Variants in SLC35E1 observed in about 807,000 individuals in gnomAD.
SLC35E1 encodes the protein solute carrier family 35, member E1.
A neutral mutation model predicts 31.0 loss-of-function variants in SLC35E1; 12 were observed. That is an observed-to-expected ratio of 0.39 (90% CI 0.25 to 0.63). The LOEUF is 0.63. Ranked by LOEUF, SLC35E1 falls within the 20% of genes least tolerant of loss-of-function variation. SLC35E1 has a pLI of 0.52. For missense variants in SLC35E1, 429 were observed against 572.2 expected, an observed-to-expected ratio of 0.75 and a Z score of 2.55; for synonymous variants, 257 against 264.1, an observed-to-expected ratio of 0.97 and a Z score of 0.26.
chr19:16,571,987 C>T lies in SLC35E1; in HGVS notation c.378G>A (p.Ala126=), dbSNP rs2085961682. Residue 126 remains alanine, a synonymous_variant, in exon 1 of 6, where the codon GCG becomes GCA. Coordinates refer to ENST00000595753, the MANE Select transcript of SLC35E1 (RefSeq NM_024881.5). The part of the protein sequence containing the change: ...AFGKYFASVS[A]HVSIWKVPVS... The stretch of plus-strand genomic sequence containing the variant: ...CGGGCACCTTCCAGATGCTGACGTG[C>T]GCTGACACGGACGCGAAGTACTTGC... The T allele has an allele frequency of 3.2e-6, 5 of 1,547,200 alleles. No homozygotes were observed. The highest frequency in any genetic ancestry group is 4.4e-6 in the Non-Finnish European group (5 of 1,145,606).
intron 4 of SLC35E1, among the ~76,000 whole-genome samples, chr19:16,562,323 C>T (rs1175437486): frequency 6.6e-6 from 1 of 152,110 alleles, no homozygotes; most frequent in African/African-American, 2.4e-5. Flanking sequence ...TGAGAAAGGC[C>T]TTCTATGTCG....
At chr19:16,558,020 G>C (rs1210121122) in intron 4 of SLC35E1, among the ~76,000 whole-genome samples, 1 of 151,862 alleles carries the variant, frequency 6.6e-6, no homozygotes, top group East Asian at 1.9e-4. Flanking sequence ...CATCGTGTTA[G>C]CCAGGATGGT....
In SLC35E1 at chr19:16,554,261, G is replaced by A. The variant is rs182687745; in HGVS notation, c.1003-352C>T. Among the ~76,000 whole-genome samples the A allele has an allele frequency of 6.3e-3, 809 of 128,158 alleles. 5 individuals carry two copies. The highest frequency in any genetic ancestry group is 0.023 in the African/African-American group (754 of 33,278). 84.1% of individuals were successfully genotyped at this position (128,158 alleles called of 152,430 possible). A position where few individuals can be genotyped will look rare whatever the true frequency, so the allele number is the denominator to read the frequency against. The stretch of plus-strand genomic sequence containing the variant: ...AGCCTGGGAGACAGAGCAAGACGCT[G>A]TCTCAGAAAAAAAAAAAAAAAAAAA... On this transcript the variant is annotated intron_variant, in intron 5 of 5. Transcript: ENST00000595753.
chr19:16,553,845 C>T lies in SLC35E1; in HGVS notation c.1067G>A (p.Ser356Asn), dbSNP rs1188317152. Residue 356 changes from serine (S) to asparagine (N), a missense_variant, in exon 6 of 6, where the codon AGC becomes AAC. Transcript: ENST00000595753. ...TGGGCTCCGGTGACGCTCCTTGCTG[C>T]TCAGGTCTGCTGTGGTGACGGGGAG... ...HLLPVTTADLSSKERHRSPLE... is the reference protein window; with the variant it reads ...HLLPVTTADLNSKERHRSPLE... The T allele has an allele frequency of 6.2e-7, 1 of 1,613,948 alleles. No homozygotes were observed. Among genetic ancestry groups the T allele is most frequent in the Non-Finnish European group, 8.5e-7 (1 of 1,179,888 alleles).
chr19:16,558,106 C>T (rs566537023), intron 4 of SLC35E1, among the ~76,000 whole-genome samples: 23 of 151,546 alleles, frequency 1.5e-4, no homozygotes, highest in Non-Finnish European at 2.2e-4. Flanking sequence ...TGCAATGGTG[C>T]GATCTCAGCT....
At position 16,568,148 on chromosome 19, in the gene SLC35E1, T is replaced by C; in HGVS notation, c.514A>G (p.Ile172Val). ...STKVYLSLIP[I>V]ISGVLLATVT... ...GTGGCCAGCAGGACACCGCTGATGATGGGGATGAGTGACAAGTATACCTGC... is the reference window on the plus strand; with the variant it reads ...GTGGCCAGCAGGACACCGCTGATGACGGGGATGAGTGACAAGTATACCTGC... Residue 172 changes from isoleucine to valine, a missense_variant, in exon 3 of 6, where the codon ATC (isoleucine) becomes GTC (valine). By Grantham distance (29) the Ile-to-Val change is conservative. Transcript: ENST00000595753. 6.2e-7 allele frequency: 1 copy of C among 1,612,340 alleles called. No homozygotes were observed. Among genetic ancestry groups the C allele is most frequent in the Non-Finnish European group, 8.5e-7 (1 of 1,179,420 alleles).
rs369679557 is a variant in SLC35E1, at chr19:16,568,554, A to C, written c.493-385T>G. 5.1e-4 allele frequency among the ~76,000 whole-genome samples: 78 copies of C among 152,312 alleles called. 1 individual carries two copies. Among genetic ancestry groups the C allele is most frequent in the African/African-American group, 1.8e-3 (75 of 41,580 alleles). ...TTTTAAAAAATAGTTTTTTTGAGAC[A>C]AAGTCTCGCTCTGTCGCCCAGGCTG... On this transcript the variant is annotated intron_variant, in intron 2 of 5. Transcript: ENST00000595753.
intron 4 of SLC35E1, chr19:16,557,131 T>A: frequency 2.8e-6 from 1 of 352,212 alleles, no homozygotes; most frequent in African/African-American, 2.2e-5. Context: ...ACCAATCTGG[T>A]TTAAAACAAA....
At chr19:16,566,886 T>A (rs1016040729) in intron 3 of SLC35E1, among the ~76,000 whole-genome samples, 2 of 152,162 alleles carry the variant, frequency 1.3e-5, no homozygotes, top group East Asian at 1.9e-4. Flanking sequence ...ACAGTAACAC[T>A]CAGTGCTGGT....
intron 2 of SLC35E1, 44 bp downstream of exon 2, chr19:16,571,468 C>A (rs748163515): frequency 1.2e-6 from 2 of 1,601,274 alleles, no homozygotes; most frequent in Admixed American, 1.7e-5. Context: ...CAGGGAGGAA[C>A]CCCCTGGAGC....
Position 16,571,543 on chromosome 19 carries a change from C to A in SLC35E1, c.461G>T (p.Arg154Leu). The change falls in exon 2 of 6, where the codon CGG becomes CTG. Residue 154 changes from arginine (R) to leucine (L), a missense_variant. Coordinates refer to ENST00000595753, the MANE Select transcript of SLC35E1 (RefSeq NM_024881.5). Reference sequence around the variant, plus strand: ...GCTCTGCTTCTCCTTCATAATGATCCGGGACAGGAGGACCACCCAGATGGG... The same window carrying A: ...GCTCTGCTTCTCCTTCATAATGATCAGGGACAGGAGGACCACCCAGATGGG... ...TMPIWVVLLS[R>L]IIMKEKQSTK... 6.2e-7 allele frequency: 1 copy of A among 1,613,900 alleles called. No individual in the cohort carries two copies. Among genetic ancestry groups the A allele is most frequent in the Non-Finnish European group, 8.5e-7 (1 of 1,179,948 alleles).
At chr19:16,565,044 T>C (rs1428039127) in intron 4 of SLC35E1, 4 of 445,626 alleles carry the variant, frequency 9.0e-6, no homozygotes, top group Admixed American at 2.5e-5. Context: ...TACTTTTCCT[T>C]TCTAACTCGA....
Position 16,553,900 on chromosome 19 carries a change from C to T in SLC35E1, c.1012G>A (p.Asp338Asn), listed in dbSNP as rs772157979. Reference protein sequence around the residue: ...GVFLYNKTKYDANQQARKHLL... With the variant: ...GVFLYNKTKYNANQQARKHLL... Reference sequence around the variant, plus strand: ...TGCTTCCTGGCTTGCTGGTTTGCATCGTACTTGGTCTGTGCCAGAAAGAGA... The same window carrying T: ...TGCTTCCTGGCTTGCTGGTTTGCATTGTACTTGGTCTGTGCCAGAAAGAGA... The change falls in exon 6 of 6, where the codon GAT (aspartate) becomes AAT (asparagine). Residue 338 changes from aspartate to asparagine, a missense_variant. Asp to Asn is a conservative substitution (Grantham distance 23). Coordinates refer to ENST00000595753, the MANE Select transcript of SLC35E1 (RefSeq NM_024881.5). The T allele has an allele frequency of 3.6e-5, 58 of 1,604,336 alleles. No homozygotes were observed. The highest frequency in any genetic ancestry group is 4.5e-5 in the South Asian group (4 of 89,782).
In SLC35E1 at chr19:16,560,730, T is replaced by C. The variant is rs552456947; in HGVS notation, c.757-5333A>G. Among the ~76,000 whole-genome samples, 7 of 148,364 alleles carry C rather than the reference T, an allele frequency of 4.7e-5. No homozygotes were observed. In the East Asian group the frequency reaches 1.2e-3, roughly 26 times the overall value. ...CACAAAAATTAGCCAGGAGTGGTGG[T>C]GCGCGCCTACAATTCCAGCTACTCA... On this transcript the variant is annotated intron_variant, in intron 4 of 5. Coordinates refer to ENST00000595753, the MANE Select transcript of SLC35E1 (RefSeq NM_024881.5).
rs571394569 is a variant in SLC35E1 at position 16,551,717 on chromosome 19, C to G, written c.*1962G>C. 6.6e-6 allele frequency: 1 copy of G among 151,322 alleles called. No homozygotes were observed. Among genetic ancestry groups the G allele is most frequent in the African/African-American group, 2.4e-5 (1 of 41,198 alleles). 9.4% of individuals were successfully genotyped at this position (151,322 alleles called of 1,614,324 possible). A position where few individuals can be genotyped will look rare whatever the true frequency, so the allele number is the denominator to read the frequency against. On this transcript the variant is annotated 3_prime_UTR_variant, in exon 6 of 6. Transcript: ENST00000595753. ...TACCTACTGGGGTCTTGTCATATTC[C>G]TTATGTTGATTTCTGCCAAGACCCA...
In SLC35E1 at chr19:16,556,088, G is replaced by GGTGGC. The variant is rs1017006427; in HGVS notation, c.757-696_757-692dup. On this transcript the variant is annotated intron_variant, in intron 4 of 5. Coordinates refer to ENST00000595753, the MANE Select transcript of SLC35E1 (RefSeq NM_024881.5). ...AAATTGGTCGGGTGTGGTGTGGTGT[G>GGTGGC]GTGGCGCATGCCTGTAATCCCAGCT... Among the ~76,000 whole-genome samples, 24 of 152,224 alleles carry GGTGGC rather than the reference G, an allele frequency of 1.6e-4. 1 individual carries two copies. Among genetic ancestry groups the GGTGGC allele is most frequent in the African/African-American group, 5.5e-4 (23 of 41,526 alleles).
chr19:16,569,954 C>T (rs751734124), intron 2 of SLC35E1, among the ~76,000 whole-genome samples: 6 of 152,142 alleles, frequency 3.9e-5, no homozygotes, highest in Non-Finnish European at 8.8e-5. Flanking sequence ...TCCAGCTTCC[C>T]GAATATCAGG....
intron 4 of SLC35E1, among the ~76,000 whole-genome samples, chr19:16,560,759 A>C (rs2085900607): frequency 6.6e-6 from 1 of 150,814 alleles, no homozygotes; most frequent in African/African-American, 2.4e-5. Flanking sequence ...CTACTCAGGA[A>C]GCTGAGGTGG....
chr19:16,562,090 A>T (rs1017241580), intron 4 of SLC35E1, among the ~76,000 whole-genome samples: 3 of 152,214 alleles, frequency 2.0e-5, no homozygotes, highest in Non-Finnish European at 4.4e-5. Context: ...TAAAAAAAAA[A>T]GGTTACTTAA....
Sources: allele counts gnomAD v4.1 joint callset (sites outside exome capture counted in the v4.1 genomes callset), GRCh38; gene constraint gnomAD v4.1.1; transcripts MANE v1.5; gene names NCBI Gene and HGNC (gene_info 2026-07-23, HGNC 2026-07-21).